HFE: variants seen among roughly 807,000 people sequenced by gnomAD.
The protein encoded by HFE is homeostatic iron regulator, also known as hereditary hemochromatosis protein.
A neutral mutation model predicts 40.9 loss-of-function variants in HFE; 36 were observed. The ratio of observed to expected loss-of-function variants is 0.88; its 90% CI spans 0.67 to 1.16. The LOEUF (loss-of-function observed/expected upper bound fraction) is 1.16. Ranked by LOEUF, HFE falls within the 50% of genes most tolerant of loss-of-function variation. The pLI is 0.00. For synonymous variants in HFE, 157 were observed against 165.4 expected, an observed-to-expected ratio of 0.95 and a Z score of 0.39; for missense variants, 376 against 432.0, an observed-to-expected ratio of 0.87 and a Z score of 1.15.
chr6:26,089,108 TGGGGGGGGG>T (rs60292295), intron 1 of HFE, among the ~76,000 whole-genome samples: 1 of 56,356 alleles, frequency 1.8e-5, no homozygotes, highest in African/African-American at 8.0e-5. Context: ...TGTGTGTGTG[TGGGGGGGGG>T]GGGCGGCGTG....
intron 3 of HFE, among the ~76,000 whole-genome samples, chr6:26,091,986 A>T (rs1048201208): frequency 6.6e-6 from 1 of 151,722 alleles, no homozygotes; most frequent in Non-Finnish European, 1.5e-5. Context: ...GACCAGCCTG[A>T]CCAACATGGT....
At chr6:26,089,182 C>T (rs942435431) in intron 1 of HFE, among the ~76,000 whole-genome samples, 5 of 151,566 alleles carry the variant, frequency 3.3e-5, no homozygotes, top group African/African-American at 1.2e-4. Context: ...GTATCCTGTC[C>T]TCCCTACTCA....
At chr6:26,092,479 G>C in intron 3 of HFE, 1 of 775,800 alleles carries the variant, frequency 1.3e-6, no homozygotes, top group Non-Finnish European at 2.2e-6. Flanking sequence ...ATTTACATGT[G>C]AGGAGAACAA....
In HFE at chr6:26,091,549, G is replaced by A; in HGVS notation, c.576G>A (p.Gln192=). Residue 192 remains glutamine, a synonymous_variant, in exon 3 of 6, where the codon CAG becomes CAA. Transcript: ENST00000357618. ...YLERDCPAQL[Q]QLLELGRGVL... ...AGAGGGACTGCCCTGCACAGCTGCA[G>A]CAGTTGCTGGAGCTGGGGAGAGGTG... The A allele has an allele frequency of 1.2e-6, 2 of 1,613,880 alleles. No individual in the cohort carries two copies. The highest frequency in any genetic ancestry group is 2.2e-5 in the South Asian group (2 of 91,074).
In HFE at chr6:26,092,788, G is replaced by A. The variant is rs1309004246; in HGVS notation, c.720G>A (p.Leu240=). The change falls in exon 4 of 6, where the codon CTG becomes CTA. Residue 240 remains leucine, a synonymous_variant. Coordinates refer to ENST00000357618, the MANE Select transcript of HFE (RefSeq NM_000410.4). The part of the protein sequence containing the change: ...YYPQNITMKW[L]KDKQPMDAKE... Reference sequence around the variant, plus strand: ...CCCAGAACATCACCATGAAGTGGCTGAAGGATAAGCAGCCAATGGATGCCA... The same window carrying A: ...CCCAGAACATCACCATGAAGTGGCTAAAGGATAAGCAGCCAATGGATGCCA... 2 of 1,614,214 alleles carry A rather than the reference G, an allele frequency of 1.2e-6. No homozygotes were observed. Among genetic ancestry groups the A allele is most frequent in the Non-Finnish European group, 8.5e-7 (1 of 1,180,034 alleles).
Position 26,092,933 on chromosome 6 carries a change from C to G in HFE, c.865C>G (p.Leu289Val). The part of the protein sequence containing the change: ...RYTCQVEHPG[L>V]DQPLIVIWEP... ...TACGTGCCAGGTGGAGCACCCAGGC[C>G]TGGATCAGCCCCTCATTGTGATCTG... The change falls in exon 4 of 6, where the codon CTG becomes GTG. Residue 289 changes from leucine (L) to valine (V), a missense_variant. Leu to Val is a conservative substitution (Grantham distance 32). Around this residue, in one of 3 missense-constraint regions of HFE, gnomAD observed 173 missense variants for 186.9 expected, o/e 0.93. Transcript: ENST00000357618. The G allele has an allele frequency of 6.2e-7, 1 of 1,614,092 alleles. No homozygotes were observed. The highest frequency in any genetic ancestry group is 8.5e-7 in the Non-Finnish European group (1 of 1,180,028).
rs758488256 is a variant in HFE at position 26,096,603 on chromosome 6, AT to A, written c.*2378del. ...CTTTAGGCATTAAATTTTAGCAAAG[AT>A]ATCTCATCTCTTCTTTTAAACCATT... is the stretch of plus-strand genomic sequence containing the variant. On this transcript the variant is annotated 3_prime_UTR_variant, in exon 6 of 6. Transcript: ENST00000357618. 6.6e-5 allele frequency: 30 copies of A among 455,294 alleles called. No individual in the cohort carries two copies. The highest frequency in any genetic ancestry group is 6.0e-4 in the African/African-American group (30 of 49,996). 28.2% of individuals were successfully genotyped at this position (455,294 alleles called of 1,614,324 possible).
intron 1 of HFE, among the ~76,000 whole-genome samples, chr6:26,089,114 G>A (rs1467734646): frequency 1.3e-5 from 2 of 148,296 alleles, no homozygotes; most frequent in African/African-American, 2.5e-5. Context: ...TGTGTGGGGG[G>A]GGGGGGCGGC....
rs1173623735 is a variant in HFE at position 26,096,657 on chromosome 6, G to A, written c.*2431G>A. On this transcript the variant is annotated 3_prime_UTR_variant, in exon 6 of 6. Transcript: ENST00000357618. Reference sequence around the variant, plus strand: ...CTTTTTTTGTGGTTAGAAAAGTTATGTAGAAAAAAGTAAATGTGATTTACG... The same window carrying A: ...CTTTTTTTGTGGTTAGAAAAGTTATATAGAAAAAAGTAAATGTGATTTACG... The A allele has an allele frequency of 2.3e-6, 1 of 440,624 alleles. No homozygotes were observed. The highest frequency in any genetic ancestry group is 4.5e-6 in the Non-Finnish European group (1 of 222,922). 27.3% of individuals were successfully genotyped at this position (440,624 alleles called of 1,614,324 possible). A position where few individuals can be genotyped will look rare whatever the true frequency, so the allele number is the denominator to read the frequency against.
Position 26,094,947 on chromosome 6 carries a change from A to G in HFE, c.*721A>G, listed in dbSNP as rs1191055722. On this transcript the variant is annotated 3_prime_UTR_variant, in exon 6 of 6. Coordinates refer to ENST00000357618, the MANE Select transcript of HFE (RefSeq NM_000410.4). ...TTTTTCTAATTGGCATGAAGGTGTC[A>G]TACAGATTTGCAAAGTTTAATGGTG... 1 of 162,828 alleles carries G rather than the reference A, an allele frequency of 6.1e-6. No homozygotes were observed. Among genetic ancestry groups the G allele is most frequent in the Non-Finnish European group, 1.4e-5 (1 of 73,652 alleles). 10.1% of individuals were successfully genotyped at this position (162,828 alleles called of 1,614,324 possible). A position where few individuals can be genotyped will look rare whatever the true frequency, so the allele number is the denominator to read the frequency against.
At position 26,094,425 on chromosome 6, in the gene HFE, G is replaced by A. The variant is rs766844750; in HGVS notation, c.*199G>A. 6.1e-5 allele frequency: 43 copies of A among 707,414 alleles called. No homozygotes were observed. The highest frequency in any genetic ancestry group is 4.0e-5 in the Admixed American group (2 of 49,986). The allele number at this position is 707,414 out of a possible 1,614,324, so 43.8% of individuals were successfully genotyped here. ...TTAGGTTTCTGAGTTCCTGCATGCCGGTGATCCCTAGCTGTGACCTCTCCC... is the reference window on the plus strand; with the variant it reads ...TTAGGTTTCTGAGTTCCTGCATGCCAGTGATCCCTAGCTGTGACCTCTCCC... On this transcript the variant is annotated 3_prime_UTR_variant, in exon 6 of 6. Transcript: ENST00000357618.
In HFE at chr6:26,091,354, A is replaced by G; in HGVS notation, c.381A>G (p.Gln127=). Residue 127 remains glutamine (Q), a synonymous_variant, in exon 3 of 6, where the codon CAA becomes CAG. Transcript: ENST00000357618. ...AGGTCATCCTGGGCTGTGAAATGCA[A>G]GAAGACAACAGTACCGAGGGCTACT... ...TLQVILGCEM[Q]EDNSTEGYWK... 6.2e-7 allele frequency: 1 copy of G among 1,614,164 alleles called. No homozygotes were observed. Among genetic ancestry groups the G allele is most frequent in the Non-Finnish European group, 8.5e-7 (1 of 1,180,030 alleles).
rs1762830728 is a variant in HFE, at chr6:26,092,933, C to T, written c.865C>T (p.Leu289=). The change falls in exon 4 of 6, where the codon CTG becomes TTG. Residue 289 remains leucine (L), a synonymous_variant. Coordinates refer to ENST00000357618, the MANE Select transcript of HFE (RefSeq NM_000410.4). ...TACGTGCCAGGTGGAGCACCCAGGCCTGGATCAGCCCCTCATTGTGATCTG... is the reference window on the plus strand; with the variant it reads ...TACGTGCCAGGTGGAGCACCCAGGCTTGGATCAGCCCCTCATTGTGATCTG... ...RYTCQVEHPG[L]DQPLIVIWEP... 6.8e-6 allele frequency: 11 copies of T among 1,614,092 alleles called. 1 individual carries two copies. The highest frequency in any genetic ancestry group is 9.3e-6 in the Non-Finnish European group (11 of 1,180,028).
At position 26,091,045 on chromosome 6, in the gene HFE, G is replaced by A; in HGVS notation, c.281G>A (p.Trp94Ter). ...CAGCTGAGTCAGAGTCTGAAAGGGT[G>A]GGATCACATGTTCACTGTTGACTTC... ...WLQLSQSLKG[W>*]DHMFTVDFWT... The change falls in exon 2 of 6, where the codon TGG becomes TAG. Residue 94 changes from tryptophan (W) to a stop codon, truncating the protein, a stop_gained. Transcript: ENST00000357618. LOFTEE classifies it high-confidence loss of function. The A allele has an allele frequency of 6.2e-7, 1 of 1,614,162 alleles. No individual in the cohort carries two copies. The highest frequency in any genetic ancestry group is 2.2e-5 in the East Asian group (1 of 44,886).
intron 1 of HFE, among the ~76,000 whole-genome samples, chr6:26,089,614 A>G (rs994581044): frequency 1.3e-5 from 2 of 152,138 alleles, no homozygotes; most frequent in Admixed American, 1.3e-4. Flanking sequence ...ATTCTGAAGG[A>G]AGTTGCTGAA....
chr6:26,088,290 T>C (rs776088679), intron 1 of HFE, among the ~76,000 whole-genome samples: 1 of 152,238 alleles, frequency 6.6e-6, no homozygotes, highest in African/African-American at 2.4e-5. Flanking sequence ...ATAATGAACA[T>C]GTAAGCAATG....
chr6:26,096,346 C>T lies in HFE; in HGVS notation c.*2120C>T. ...ACAGGGTTTCACCATGTTGGCCAGG[C>T]TGGTCTCGAACTCTCCTGACCTCGT... is the stretch of plus-strand genomic sequence containing the variant. On this transcript the variant is annotated 3_prime_UTR_variant, in exon 6 of 6. Transcript: ENST00000357618. 7.5e-6 allele frequency: 3 copies of T among 402,254 alleles called. No homozygotes were observed. Among genetic ancestry groups the T allele is most frequent in the South Asian group, 5.4e-5 (3 of 55,926 alleles). 24.9% of individuals were successfully genotyped at this position (402,254 alleles called of 1,614,324 possible). A position where few individuals can be genotyped will look rare whatever the true frequency, so the allele number is the denominator to read the frequency against.
At position 26,091,372 on chromosome 6, in the gene HFE, G is replaced by C. The variant is rs981046520; in HGVS notation, c.399G>C (p.Glu133Asp). ...AAATGCAAGAAGACAACAGTACCGA[G>C]GGCTACTGGAAGTACGGGTATGATG... ...GCEMQEDNST[E>D]GYWKYGYDGQ... The change falls in exon 3 of 6, where the codon GAG becomes GAC. Residue 133 changes from glutamate (E) to aspartate (D), a missense_variant. Physicochemically the swap from Glu to Asp is conservative, Grantham distance 45 (BLOSUM62 2). Transcript: ENST00000357618. The C allele has an allele frequency of 6.2e-7, 1 of 1,614,158 alleles. No homozygotes were observed. Among genetic ancestry groups the C allele is most frequent in the East Asian group, 2.2e-5 (1 of 44,886 alleles).
intron 5 of HFE, 52 bp downstream of exon 5, chr6:26,093,284 T>A (rs747805019): frequency 7.8e-7 from 1 of 1,279,126 alleles, no homozygotes; most frequent in Non-Finnish European, 1.1e-6. Context: ...CAGGGCACAG[T>A]GGGAAGAGGG....
Sources: allele counts gnomAD v4.1 joint callset (sites outside exome capture counted in the v4.1 genomes callset), GRCh38; gene constraint gnomAD v4.1.1; regional missense constraint gnomAD v4.1.1; transcripts MANE v1.5; gene names NCBI Gene and HGNC (gene_info 2026-07-23, HGNC 2026-07-21).